The following CACNA1D variants were observed in gnomAD, a reference collection of about 807,000 sequenced individuals.
The protein encoded by CACNA1D is calcium voltage-gated channel subunit alpha1 D.
CACNA1D carries 55 observed loss-of-function variants against 257.1 expected under a neutral mutation model. That is an observed-to-expected ratio of 0.21 (90% CI 0.17 to 0.27). The LOEUF is 0.27. Among genes scored for constraint, CACNA1D ranks in the 10% least tolerant of loss-of-function variants. The pLI, the probability that CACNA1D is intolerant of heterozygous loss-of-function variation, is 1.00. For synonymous variants in CACNA1D, 980 were observed against 1,014.9 expected (o/e 0.97, Z 0.65); for missense variants, 1,876 against 2,784.0 (o/e 0.67, Z 7.34).
intron 3 of CACNA1D, among the ~76,000 whole-genome samples, chr3:53,565,226 A>G (rs1358554757): frequency 6.6e-5 from 10 of 152,136 alleles, no homozygotes; most frequent in Admixed American, 2.0e-4. Context: ...ATAATTCTTG[A>G]TATCAGTAAG....
rs2095385413 is a variant in CACNA1D, at chr3:53,774,499, T to C, written c.4111-88T>C. ...ATGAGAAAACCCTAGCTGGTAAAGA[T>C]CAAACCTGAGTTAGTTCTAAATTCA... On this transcript the variant is annotated intron_variant, in intron 33 of 47. Transcript: ENST00000350061. This position sits in a 1 kb window ranked among gnomAD's most constrained non-coding sequence, Gnocchi z 4.3. 2 of 824,460 alleles carry C rather than the reference T, an allele frequency of 2.4e-6. No homozygotes were observed. The highest frequency in any genetic ancestry group is 4.3e-6 in the Non-Finnish European group (2 of 468,098). 51.1% of individuals were successfully genotyped at this position (824,460 alleles called of 1,614,324 possible). A position where few individuals can be genotyped will look rare whatever the true frequency, so the allele number is the denominator to read the frequency against.
chr3:53,608,692 T>A (rs183328751), intron 3 of CACNA1D, among the ~76,000 whole-genome samples: 1 of 152,192 alleles, frequency 6.6e-6, no homozygotes, highest in Non-Finnish European at 1.5e-5. Context: ...TGAGTAGTTA[T>A]GGAATTTTAT....
chr3:53,754,596 C>G (rs907430406), intron 29 of CACNA1D, among the ~76,000 whole-genome samples: 2 of 152,232 alleles, frequency 1.3e-5, no homozygotes, highest in Non-Finnish European at 2.9e-5. Context: ...CCTACCCGCA[C>G]CACCACCCTC....
intron 3 of CACNA1D, among the ~76,000 whole-genome samples, chr3:53,533,056 C>G (rs1313703405): frequency 2.0e-5 from 3 of 152,192 alleles, no homozygotes; most frequent in Non-Finnish European, 4.4e-5. Context: ...CTAGATCAAA[C>G]TTCTTTTGAT....
At chr3:53,728,280 A>T (rs2094955588) in intron 15 of CACNA1D, among the ~76,000 whole-genome samples, 1 of 152,106 alleles carries the variant, frequency 6.6e-6, no homozygotes, top group South Asian at 2.1e-4. Context: ...CTGGGATTAC[A>T]TGTGTGCACC....
chr3:53,716,663 AAG>A (rs2094822034), intron 9 of CACNA1D, among the ~76,000 whole-genome samples: 1 of 152,178 alleles, frequency 6.6e-6, no homozygotes, highest in South Asian at 2.1e-4. Context: ...TCACTTAGGA[AAG>A]AAGAAAATTA....
chr3:53,648,359 G>A (rs1180115674), intron 3 of CACNA1D, among the ~76,000 whole-genome samples: 1 of 152,138 alleles, frequency 6.6e-6, no homozygotes, highest in Non-Finnish European at 1.5e-5. Context: ...CTGTGGGTTG[G>A]CATTTTCAGG....
At chr3:53,799,312 G>A (rs1273569061) in intron 40 of CACNA1D, among the ~76,000 whole-genome samples, 1 of 152,236 alleles carries the variant, frequency 6.6e-6, no homozygotes, top group African/African-American at 2.4e-5. Context: ...CAGAGCTGGA[G>A]CAGTACCTTC....
rs1478420367 is a variant in CACNA1D, at chr3:53,774,597, A to G, written c.4121A>G (p.Lys1374Arg). ...YAVIGMQMFG[K>R]VAMRDNNQIN... ...AACTTCTCCACCTAGATGTTTGGGA[A>G]AGTTGCCATGAGAGATAACAACCAG... Residue 1374 changes from lysine (K) to arginine (R), a missense_variant, in exon 34 of 48, where the codon AAA becomes AGA. Lys to Arg is a conservative substitution (Grantham distance 26, BLOSUM62 2). This residue lies in a region of CACNA1D where 204 missense variants were observed against 309.4 expected (regional missense o/e 0.66). Coordinates refer to ENST00000350061, the MANE Select transcript of CACNA1D (RefSeq NM_001128840.3). This position sits in a 1 kb window ranked among gnomAD's most constrained non-coding sequence, Gnocchi z 4.3. 2 of 1,601,714 alleles carry G rather than the reference A, an allele frequency of 1.2e-6. No homozygotes were observed. Among genetic ancestry groups the G allele is most frequent in the Non-Finnish European group, 1.7e-6 (2 of 1,168,744 alleles).
In CACNA1D at chr3:53,751,205, T is replaced by A. The variant is rs1293469304; in HGVS notation, c.3517-544T>A. On this transcript the variant is annotated intron_variant, in intron 27 of 47. Transcript: ENST00000350061. This position sits in a 1 kb window ranked among gnomAD's most constrained non-coding sequence, Gnocchi z 4.3. ...TTAACACACTCTGGCTCCTGAAGGGTATCTCATGTGGTTCCAACTGGGAGC... is the reference window on the plus strand; with the variant it reads ...TTAACACACTCTGGCTCCTGAAGGGAATCTCATGTGGTTCCAACTGGGAGC... Among the ~76,000 whole-genome samples, 13 of 152,140 alleles carry A rather than the reference T, an allele frequency of 8.5e-5. No homozygotes were observed. Among genetic ancestry groups the A allele is most frequent in the Admixed American group, 8.5e-4 (13 of 15,280 alleles).
rs988193190 is a variant in CACNA1D, at chr3:53,803,306, G to A, written c.5436-117G>A. ...GTCCAGTGCTGCCTGAGGCAGGTGC[G>A]CGCTGGGAGAAGCCAGGAGCACCCG... On this transcript the variant is annotated intron_variant, in intron 43 of 47. Transcript: ENST00000350061. 70 of 1,077,666 alleles carry A rather than the reference G, an allele frequency of 6.5e-5. No individual in the cohort carries two copies. The East Asian group carries it at 9.0e-4, about 14-fold the overall frequency. The allele number at this position is 1,077,666 out of a possible 1,614,324, so 66.8% of individuals were successfully genotyped here.
intron 15 of CACNA1D, among the ~76,000 whole-genome samples, chr3:53,727,824 T>C (rs1322517444): frequency 6.6e-6 from 1 of 152,238 alleles, no homozygotes; most frequent in Non-Finnish European, 1.5e-5. Flanking sequence ...GGCCCAGATC[T>C]CTGTAGGTGT....
intron 40 of CACNA1D, among the ~76,000 whole-genome samples, chr3:53,794,279 C>G (rs992515220): frequency 6.6e-6 from 1 of 152,198 alleles, no homozygotes; most frequent in Non-Finnish European, 1.5e-5. Flanking sequence ...ATTAGATGAT[C>G]TGTGCGAAGG....
chr3:53,648,152 G>A (rs897283214), intron 3 of CACNA1D, among the ~76,000 whole-genome samples: 2 of 151,996 alleles, frequency 1.3e-5, no homozygotes, highest in African/African-American at 4.8e-5. Flanking sequence ...CTTGACGTAG[G>A]TATGTAACTG....
chr3:53,632,822 G>A (rs532134788), intron 3 of CACNA1D, among the ~76,000 whole-genome samples: 58 of 152,342 alleles, frequency 3.8e-4, no homozygotes, highest in Non-Finnish European at 7.9e-4. Context: ...TTTGTTCACA[G>A]TCTTCTATGG....
At position 53,753,649 on chromosome 3, in the gene CACNA1D, G is replaced by A. The variant is rs1170929679; in HGVS notation, c.3753G>A (p.Glu1251=). The change falls in exon 29 of 48, where the codon GAG becomes GAA. Residue 1251 remains glutamate, a synonymous_variant. Transcript: ENST00000350061. ...NMVFTGVFTV[E]MVLKVIAFKP... The stretch of plus-strand genomic sequence containing the variant: ...TCTTCACCGGGGTGTTCACCGTCGA[G>A]ATGGTTTTGAAAGTCATCGCATTTA... The A allele has an allele frequency of 1.2e-6, 2 of 1,613,190 alleles. No homozygotes were observed. Among genetic ancestry groups the A allele is most frequent in the Non-Finnish European group, 1.7e-6 (2 of 1,179,198 alleles).
At chr3:53,773,104 G>C (rs2095375647) in intron 33 of CACNA1D, among the ~76,000 whole-genome samples, 1 of 152,232 alleles carries the variant, frequency 6.6e-6, no homozygotes, top group Non-Finnish European at 1.5e-5. Flanking sequence ...GGAGAGGTTA[G>C]AATGCACCAG....
chr3:53,536,103 C>T (rs1459617329), intron 3 of CACNA1D, among the ~76,000 whole-genome samples: 1 of 152,178 alleles, frequency 6.6e-6, no homozygotes, highest in African/African-American at 2.4e-5. Context: ...GTTTGTGCTT[C>T]TGTGGACACT....
At chr3:53,745,941 A>C in intron 25 of CACNA1D, 66 bp downstream of exon 25, 1 of 1,255,200 alleles carries the variant, frequency 8.0e-7, no homozygotes, top group South Asian at 1.2e-5. Flanking sequence ...GGATTCACAC[A>C]TGTTGGCACG....
Sources: allele counts gnomAD v4.1 joint callset (sites outside exome capture counted in the v4.1 genomes callset), GRCh38; gene constraint gnomAD v4.1.1; regional missense constraint gnomAD v4.1.1; non-coding constraint Gnocchi (gnomAD v3.1); transcripts MANE v1.5; gene names NCBI Gene and HGNC (gene_info 2026-07-23, HGNC 2026-07-21).